Variants in DCC observed in about 807,000 individuals in gnomAD.
The protein encoded by DCC is netrin receptor DCC.
In DCC, 58 loss-of-function variants were observed where a neutral mutation model predicts 172.5. The ratio of observed to expected loss-of-function variants is 0.34; its 90% CI spans 0.27 to 0.42. DCC has a LOEUF of 0.42. Among genes scored for constraint, DCC ranks in the 10% least tolerant of loss-of-function variants. DCC has a pLI of 1.00. For missense variants in DCC, 1,740 were observed against 1,791.0 expected (o/e 0.97, Z 0.51); for synonymous variants, 709 against 644.5 (o/e 1.10, Z -1.52).
intron 1 of DCC, among the ~76,000 whole-genome samples, chr18:52,630,076 C>T (rs1365312425): frequency 6.6e-6 from 1 of 151,830 alleles, no homozygotes; most frequent in African/African-American, 2.4e-5. Context: ...CATGCCACTG[C>T]ACTCCAGCCT....
At chr18:52,496,433 C>G (rs2030753414) in intron 1 of DCC, among the ~76,000 whole-genome samples, 1 of 152,062 alleles carries the variant, frequency 6.6e-6, no homozygotes, top group Non-Finnish European at 1.5e-5. Context: ...TGAATATAGT[C>G]AAAACATCAG....
intron 1 of DCC, among the ~76,000 whole-genome samples, chr18:52,608,341 A>G (rs1049359587): frequency 7.2e-5 from 11 of 152,178 alleles, no homozygotes; most frequent in Admixed American, 3.9e-4. Flanking sequence ...CATATAAACA[A>G]TAGATGCTAA....
chr18:52,519,718 C>T (rs2031749719), intron 1 of DCC, among the ~76,000 whole-genome samples: 1 of 152,160 alleles, frequency 6.6e-6, no homozygotes, highest in Non-Finnish European at 1.5e-5. Flanking sequence ...TGTTATCAGG[C>T]CATGACTATG....
intron 1 of DCC, among the ~76,000 whole-genome samples, chr18:52,680,044 A>C (rs1373010647): frequency 1.3e-5 from 2 of 152,118 alleles, no homozygotes. Flanking sequence ...AAATACATGT[A>C]TTATGTGGAA....
At chr18:52,361,146 T>C (rs1349197374) in intron 1 of DCC, among the ~76,000 whole-genome samples, 1 of 152,228 alleles carries the variant, frequency 6.6e-6, no homozygotes, top group Admixed American at 6.5e-5. Context: ...TCTATCCTTA[T>C]CTTTATTATA....
At chr18:52,469,623 C>T (rs1988889355) in intron 1 of DCC, among the ~76,000 whole-genome samples, 1 of 152,160 alleles carries the variant, frequency 6.6e-6, no homozygotes, top group Non-Finnish European at 1.5e-5. Context: ...AAAATTTTAG[C>T]TTTAATTGGG....
intron 1 of DCC, among the ~76,000 whole-genome samples, chr18:52,520,688 T>G (rs1297655083): frequency 6.6e-6 from 1 of 152,066 alleles, no homozygotes; most frequent in Admixed American, 6.6e-5. Flanking sequence ...ATACTTTTTG[T>G]TATATTATGA....
intron 1 of DCC, among the ~76,000 whole-genome samples, chr18:52,397,882 A>G (rs1168642496): frequency 6.6e-6 from 1 of 152,048 alleles, no homozygotes; most frequent in East Asian, 1.9e-4. Context: ...GGTGCTGGCC[A>G]CGGAATATCT....
chr18:53,030,435 A>AT (rs2042012048), intron 5 of DCC, among the ~76,000 whole-genome samples: 1 of 151,882 alleles, frequency 6.6e-6, no homozygotes, highest in East Asian at 1.9e-4. Flanking sequence ...TTCCATTTTC[A>AT]TTTCTATTTT....
chr18:53,101,329 A>C (rs2043169669), intron 7 of DCC, among the ~76,000 whole-genome samples: 1 of 152,070 alleles, frequency 6.6e-6, no homozygotes, highest in African/African-American at 2.4e-5. Flanking sequence ...GTCAGAGATG[A>C]GTAGGGGCCT....
chr18:52,967,095 T>C (rs2040945455), intron 5 of DCC, among the ~76,000 whole-genome samples: 1 of 152,190 alleles, frequency 6.6e-6, no homozygotes, highest in Non-Finnish European at 1.5e-5. Context: ...ACACATTTCC[T>C]TTTCCCAGTC....
chr18:52,565,322 G>C (rs1333034542), intron 1 of DCC, among the ~76,000 whole-genome samples: 2 of 152,104 alleles, frequency 1.3e-5, no homozygotes, highest in East Asian at 3.9e-4. Flanking sequence ...TGTCTTTATA[G>C]TAGAATGATT....
At chr18:52,726,854 T>C (rs1376966517) in intron 1 of DCC, among the ~76,000 whole-genome samples, 1 of 152,218 alleles carries the variant, frequency 6.6e-6, no homozygotes, top group African/African-American at 2.4e-5. Flanking sequence ...TAAGCTATTC[T>C]ACATAGTGAG....
At chr18:53,127,985 A>G (rs1292369028) in intron 7 of DCC, among the ~76,000 whole-genome samples, 1 of 152,144 alleles carries the variant, frequency 6.6e-6, no homozygotes, top group African/African-American at 2.4e-5. Context: ...TTTAAGAACA[A>G]TTTCAAAAAA....
intron 5 of DCC, among the ~76,000 whole-genome samples, chr18:53,006,687 A>C (rs72930055): frequency 0.021 from 3,249 of 152,338 alleles, 60 homozygotes; most frequent in Admixed American, 0.039. Context: ...TTGGTCATTC[A>C]TACAAGCTAG....
In DCC at chr18:52,808,841, G is replaced by A. The variant is rs995263983; in HGVS notation, c.412+56467G>A. ...TTCTATATTCTTACTTTCCTCTCATGTTCTAAGCATTGGATGGTCTGGACC... is the reference window on the plus strand; with the variant it reads ...TTCTATATTCTTACTTTCCTCTCATATTCTAAGCATTGGATGGTCTGGACC... On this transcript the variant is annotated intron_variant, in intron 2 of 28. Transcript: ENST00000442544. 6.6e-5 allele frequency among the ~76,000 whole-genome samples: 10 copies of A among 152,274 alleles called. 1 individual carries two copies. The South Asian group carries it at 1.9e-3, about 28-fold the overall frequency.
chr18:53,065,919 C>T (rs1017202094), intron 6 of DCC, 127 bp from the exon 7 acceptor site: 78 of 1,050,940 alleles, frequency 7.4e-5, no homozygotes, highest in Non-Finnish European at 1.1e-4. Context: ...GAGGCTGAGA[C>T]CCCTCATGGC....
chr18:53,385,021 CTTTT>C (rs35779527), intron 15 of DCC, among the ~76,000 whole-genome samples: 34 of 131,036 alleles, frequency 2.6e-4, no homozygotes, highest in East Asian at 4.3e-4. Context: ...TAATTTTTTT[CTTTT>C]TTTTTTTTTT....
At chr18:53,162,458 A>C (rs1239462686) in intron 8 of DCC, among the ~76,000 whole-genome samples, 1 of 152,166 alleles carries the variant, frequency 6.6e-6, no homozygotes, top group Non-Finnish European at 1.5e-5. Context: ...TTAAAAGATA[A>C]GTTAGGGTAT....
Sources: allele counts gnomAD v4.1 joint callset (sites outside exome capture counted in the v4.1 genomes callset), GRCh38; gene constraint gnomAD v4.1.1; transcripts MANE v1.5; gene names NCBI Gene and HGNC (gene_info 2026-07-23, HGNC 2026-07-21).